Variants in TRDMT1 observed in about 807,000 individuals in gnomAD.
TRDMT1 encodes tRNA (cytosine(38)-C(5))-methyltransferase.
A neutral mutation model predicts 51.2 loss-of-function variants in TRDMT1; 49 were observed. The observed-to-expected ratio is 0.96, with a 90% CI of 0.76 to 1.21. TRDMT1 has a LOEUF of 1.21. Among genes scored for constraint, TRDMT1 ranks in the 50% most tolerant of loss-of-function variants. TRDMT1 has a pLI of 0.00. For synonymous variants in TRDMT1, 187 were observed against 164.6 expected (o/e 1.14, Z -1.04); for missense variants, 534 against 462.3 (o/e 1.16, Z -1.42).
At position 17,147,414 on chromosome 10, in the gene TRDMT1, T is replaced by C. The variant is rs1838215257; in HGVS notation, c.*1626A>G. 21 of 886,478 alleles carry C rather than the reference T, an allele frequency of 2.4e-5. No homozygotes were observed. The highest frequency in any genetic ancestry group is 1.2e-4 in the East Asian group (1 of 8,388). 54.9% of individuals were successfully genotyped at this position (886,478 alleles called of 1,614,324 possible). ...GCAGTAAAATATACATAATGTAAAA[T>C]TTATCATTTTAACTATTTTTAAATA... On this transcript the variant is annotated 3_prime_UTR_variant, in exon 11 of 11. Transcript: ENST00000377799.
chr10:17,160,489 T>C, intron 5 of TRDMT1, 115 bp from the exon 6 acceptor site: 1 of 630,464 alleles, frequency 1.6e-6, no homozygotes, highest in Non-Finnish European at 2.5e-6. Flanking sequence ...TGGTTTTTTT[T>C]GAGACAGAGT....
intron 1 of TRDMT1, among the ~76,000 whole-genome samples, chr10:17,182,143 C>A (rs1053125978): frequency 6.6e-6 from 1 of 152,126 alleles, no homozygotes; most frequent in South Asian, 2.1e-4. Flanking sequence ...TTTCTTACCA[C>A]GTTAAACCTT....
At position 17,153,653 on chromosome 10, in the gene TRDMT1, A is replaced by C. The variant is rs1256154730; in HGVS notation, c.946-17T>G. ...ATTCTCAACCTGTAAGAAAATACCC[A>C]AGATAACTAAAAAAGTAATGTGCAA... is the stretch of plus-strand genomic sequence containing the variant. On this transcript the variant is annotated splice_polypyrimidine_tract_variant and intron_variant, in intron 9 of 10. Coordinates refer to ENST00000377799, the MANE Select transcript of TRDMT1 (RefSeq NM_004412.7). 1.9e-6 allele frequency: 3 copies of C among 1,548,710 alleles called. No homozygotes were observed. Among genetic ancestry groups the C allele is most frequent in the Non-Finnish European group, 2.6e-6 (3 of 1,150,076 alleles).
chr10:17,141,508 ATTT>A lies in TRDMT1; in HGVS notation c.*7529_*7531del, dbSNP rs1218665764. 1.0e-5 allele frequency among the ~76,000 whole-genome samples: 1 copy of A among 96,062 alleles called. No homozygotes were observed. The highest frequency in any genetic ancestry group is 2.9e-5 in the Non-Finnish European group (1 of 35,086). The allele number at this position is 96,062 out of a possible 152,430, so 63.0% of individuals were successfully genotyped here. A position where few individuals can be genotyped will look rare whatever the true frequency, so the allele number is the denominator to read the frequency against. On this transcript the variant is annotated 3_prime_UTR_variant, in exon 11 of 11. Transcript: ENST00000377799. ...CAAATTTGGGATGTTTCCAGCCATT[ATTT>A]AAATGCTCTTTCAGCTCCATTTTTT... is the stretch of plus-strand genomic sequence containing the variant.
At position 17,139,331 on chromosome 10, in the gene TRDMT1, G is replaced by T; in HGVS notation, c.*9709C>A. On this transcript the variant is annotated 3_prime_UTR_variant, in exon 11 of 11. Coordinates refer to ENST00000377799, the MANE Select transcript of TRDMT1 (RefSeq NM_004412.7). ...AATGTCTGATTGCACTCAGACTTCA[G>T]CATGAATGACAGAAGAAATGTAGGT... 2.4e-6 allele frequency: 1 copy of T among 424,168 alleles called. No individual in the cohort carries two copies. The highest frequency in any genetic ancestry group is 3.2e-6 in the Non-Finnish European group (1 of 316,854). The allele number at this position is 424,168 out of a possible 1,614,324, so 26.3% of individuals were successfully genotyped here.
In TRDMT1 at chr10:17,139,068, C is replaced by G. The variant is rs1236276938; in HGVS notation, c.*9972G>C. On this transcript the variant is annotated 3_prime_UTR_variant, in exon 11 of 11. Coordinates refer to ENST00000377799, the MANE Select transcript of TRDMT1 (RefSeq NM_004412.7). ...AGTAAAAAAATCAACAGAGCTTTCTCTACCTCCAACAGCTCCCGGAATGGG... is the reference window on the plus strand; with the variant it reads ...AGTAAAAAAATCAACAGAGCTTTCTGTACCTCCAACAGCTCCCGGAATGGG... 3.2e-6 allele frequency: 2 copies of G among 628,878 alleles called. No individual in the cohort carries two copies. The highest frequency in any genetic ancestry group is 6.3e-5 in the Admixed American group (1 of 15,818). The allele number at this position is 628,878 out of a possible 1,614,324, so 39.0% of individuals were successfully genotyped here. A position where few individuals can be genotyped will look rare whatever the true frequency, so the allele number is the denominator to read the frequency against.
rs1047818418 is a variant in TRDMT1 at position 17,168,902 on chromosome 10, C to T, written c.190G>A (p.Glu64Lys). The T allele has an allele frequency of 1.2e-6, 2 of 1,611,508 alleles. No homozygotes were observed. Among genetic ancestry groups the T allele is most frequent in the Non-Finnish European group, 1.7e-6 (2 of 1,178,644 alleles). The part of the protein sequence containing the change: ...AKTIEGITLE[E>K]FDRLSFDMIL... ...ATATCAAAAGATAATCTGTCAAACT[C>T]TTCGAGTGTAATGCCCTGAGGAATG... The change falls in exon 3 of 11, where the codon GAG becomes AAG. Residue 64 changes from glutamate to lysine, a missense_variant. By Grantham distance (56) the Glu-to-Lys change is moderately conservative. Transcript: ENST00000377799.
intron 3 of TRDMT1, among the ~76,000 whole-genome samples, chr10:17,164,767 C>G (rs1189950079): frequency 6.6e-6 from 1 of 152,132 alleles, no homozygotes; most frequent in East Asian, 1.9e-4. Context: ...CTCCCATTCA[C>G]AATTGCTTCA....
Position 17,189,580 on chromosome 10 carries a change from C to A in TRDMT1, c.64+11991G>T, listed in dbSNP as rs899242044. 4.6e-5 allele frequency among the ~76,000 whole-genome samples: 7 copies of A among 152,044 alleles called. No individual in the cohort carries two copies. The South Asian group carries it at 1.0e-3, about 23-fold the overall frequency. On this transcript the variant is annotated intron_variant, in intron 1 of 10. Transcript: ENST00000377799. Reference sequence around the variant, plus strand: ...TAGTTTTAACAATTATCTCAGCAAACAATAACACAAAAATAAATTGAGAAC... The same window carrying A: ...TAGTTTTAACAATTATCTCAGCAAAAAATAACACAAAAATAAATTGAGAAC...
chr10:17,157,491 C>T lies in TRDMT1; in HGVS notation c.837G>A (p.Leu279=), dbSNP rs2131405654. 6.2e-7 allele frequency: 1 copy of T among 1,613,914 alleles called. No individual in the cohort carries two copies. Among genetic ancestry groups the T allele is most frequent in the Non-Finnish European group, 8.5e-7 (1 of 1,179,842 alleles). Residue 279 remains leucine, a synonymous_variant, in exon 8 of 11, where the codon CTG becomes CTA. Coordinates refer to ENST00000377799, the MANE Select transcript of TRDMT1 (RefSeq NM_004412.7). ...PPKSLLRYAL[L]LDIVQPTCRR... ...TACAAGTGGGCTGAACAATGTCTAA[C>T]AGAAGAGCATATCGCAGCAATGACT...
chr10:17,164,157 A>G (rs1840827768), intron 3 of TRDMT1, among the ~76,000 whole-genome samples: 1 of 152,176 alleles, frequency 6.6e-6, no homozygotes, highest in Non-Finnish European at 1.5e-5. Flanking sequence ...GCACATCAAA[A>G]AGCTTATCCA....
At chr10:17,200,957 C>T (rs1298313721) in intron 1 of TRDMT1, among the ~76,000 whole-genome samples, 2 of 152,120 alleles carry the variant, frequency 1.3e-5, no homozygotes, top group Non-Finnish European at 2.9e-5. Context: ...ACGAAGTAGC[C>T]CAACGTCACA....
At chr10:17,183,758 A>G (rs1843559125) in intron 1 of TRDMT1, among the ~76,000 whole-genome samples, 1 of 152,184 alleles carries the variant, frequency 6.6e-6, no homozygotes, top group Non-Finnish European at 1.5e-5. Flanking sequence ...CAAACAAAAA[A>G]ATGACTCTTA....
chr10:17,201,479 C>CACAG (rs376001367), intron 1 of TRDMT1, 92 bp downstream of exon 1: 66 of 1,372,616 alleles, frequency 4.8e-5, no homozygotes, highest in Non-Finnish European at 5.9e-5. Flanking sequence ...GTGTCCGCCC[C>CACAG]TTGCGTCTCG....
At chr10:17,175,359 C>G (rs1842500116) in intron 1 of TRDMT1, among the ~76,000 whole-genome samples, 1 of 152,108 alleles carries the variant, frequency 6.6e-6, no homozygotes, top group African/African-American at 2.4e-5. Context: ...AAACCATTTT[C>G]AAAATGTTTT....
At chr10:17,167,923 T>C (rs963309923) in intron 3 of TRDMT1, among the ~76,000 whole-genome samples, 4 of 152,218 alleles carry the variant, frequency 2.6e-5, no homozygotes, top group African/African-American at 9.7e-5. Context: ...AGAGGTATCC[T>C]ACAGTCTTGC....
intron 3 of TRDMT1, among the ~76,000 whole-genome samples, chr10:17,163,089 C>T (rs1564285768): frequency 6.6e-6 from 1 of 152,134 alleles, no homozygotes; most frequent in Non-Finnish European, 1.5e-5. Flanking sequence ...AAAACTAACA[C>T]AATTTTGTCC....
chr10:17,145,066 A>G lies in TRDMT1; in HGVS notation c.*3974T>C. The G allele has an allele frequency of 2.6e-6, 2 of 755,038 alleles. No individual in the cohort carries two copies. Among genetic ancestry groups the G allele is most frequent in the South Asian group, 1.2e-4 (2 of 16,596 alleles). The allele number at this position is 755,038 out of a possible 1,614,324, so 46.8% of individuals were successfully genotyped here. A position where few individuals can be genotyped will look rare whatever the true frequency, so the allele number is the denominator to read the frequency against. On this transcript the variant is annotated 3_prime_UTR_variant, in exon 11 of 11. Transcript: ENST00000377799. ...GGTGTTCGAGACCAGCCTGGCCAAC[A>G]TGGTGAAACCCGATCTCTACTAATA... is the stretch of plus-strand genomic sequence containing the variant.
intron 3 of TRDMT1, among the ~76,000 whole-genome samples, chr10:17,166,844 C>A (rs1181153189): frequency 6.6e-6 from 1 of 152,148 alleles, no homozygotes; most frequent in Non-Finnish European, 1.5e-5. Flanking sequence ...GCTGGAGCTG[C>A]ATTCCGCTGT....
Sources: allele counts gnomAD v4.1 joint callset (sites outside exome capture counted in the v4.1 genomes callset), GRCh38; gene constraint gnomAD v4.1.1; transcripts MANE v1.5; gene names NCBI Gene and HGNC (gene_info 2026-07-23, HGNC 2026-07-21).